Variants in PLPP1 observed in about 807,000 individuals in gnomAD.
PLPP1 encodes lipid phosphate phosphohydrolase 1a.
A neutral mutation model predicts 31.2 loss-of-function variants in PLPP1; 24 were observed. The ratio of observed to expected loss-of-function variants is 0.77; its 90% confidence interval spans 0.56 to 1.08. The LOEUF is 1.08. Among genes scored for constraint, PLPP1 ranks in the 50% least tolerant of loss-of-function variants. The pLI is 0.00. For missense variants in PLPP1, 319 were observed against 342.7 expected, an observed-to-expected ratio of 0.93 and a Z score of 0.55; for synonymous variants, 146 against 126.3, an observed-to-expected ratio of 1.16 and a Z score of -1.05.
intron 1 of PLPP1, among the ~76,000 whole-genome samples, chr5:55,531,279 A>G (rs1016958385): frequency 6.6e-6 from 1 of 152,256 alleles, no homozygotes; most frequent in Non-Finnish European, 1.5e-5. Flanking sequence ...TAAGGAACTA[A>G]TAATTCAAAC....
intron 3 of PLPP1, among the ~76,000 whole-genome samples, chr5:55,443,177 T>TAAA (rs1178247543): frequency 1.4e-3 from 73 of 50,974 alleles, no homozygotes; most frequent in Non-Finnish European, 2.0e-3. Context: ...AAGGATTACT[T>TAAA]AAAAAAAAAA....
At chr5:55,432,151 C>G (rs951685444) in intron 4 of PLPP1, among the ~76,000 whole-genome samples, 2 of 148,788 alleles carry the variant, frequency 1.3e-5, no homozygotes, top group African/African-American at 5.0e-5. Context: ...GCTATGTTGC[C>G]CAGGCTGGTC....
intron 3 of PLPP1, among the ~76,000 whole-genome samples, chr5:55,456,210 G>A (rs1344415951): frequency 6.6e-6 from 1 of 152,126 alleles, no homozygotes; most frequent in Non-Finnish European, 1.5e-5. Context: ...TTAGTTCTAT[G>A]TTTAGGACCT....
chr5:55,516,183 A>G (rs1753551714), intron 1 of PLPP1, among the ~76,000 whole-genome samples: 1 of 151,820 alleles, frequency 6.6e-6, no homozygotes, highest in Non-Finnish European at 1.5e-5. Context: ...CTTCCCAAAT[A>G]CCTCTGAAAT....
At chr5:55,490,975 G>A in intron 1 of PLPP1, 1 of 1,611,598 alleles carries the variant, frequency 6.2e-7, no homozygotes, top group Non-Finnish European at 8.5e-7. Flanking sequence ...AAATGGGCAA[G>A]CCAACCCCCA....
chr5:55,425,916 A>G lies in PLPP1; in HGVS notation c.673T>C (p.Trp225Arg), dbSNP rs1444597037. 2.5e-6 allele frequency: 4 copies of G among 1,613,884 alleles called. No individual in the cohort carries two copies. Among genetic ancestry groups the G allele is most frequent in the Non-Finnish European group, 1.7e-6 (2 of 1,179,956 alleles). ...LSRVSDYKHH[W>R]SDVLTGLIQG... The stretch of plus-strand genomic sequence containing the variant: ...ATGAGTCCAGTCAACACATCGCTCC[A>G]GTGGTGTTTATAATCAGAAACTCGA... Residue 225 changes from tryptophan (W) to arginine (R), a missense_variant, in exon 5 of 6, where the codon TGG becomes CGG. Physicochemically the swap from Trp to Arg is moderately radical, Grantham distance 101. Transcript: ENST00000307259.
intron 1 of PLPP1, 152 bp from the exon 2 acceptor site, chr5:55,475,602 AACG>A: frequency 3.0e-6 from 2 of 672,922 alleles, no homozygotes; most frequent in Non-Finnish European, 4.8e-6. Flanking sequence ...CAATGCATGC[AACG>A]GAAGTTAGAA....
intron 3 of PLPP1, among the ~76,000 whole-genome samples, chr5:55,461,010 C>G (rs555235108): frequency 6.6e-6 from 1 of 152,180 alleles, no homozygotes; most frequent in Non-Finnish European, 1.5e-5. Context: ...CAGGTGAAAC[C>G]CTGTCTCTAC....
At chr5:55,532,453 T>C (rs983221837) in intron 1 of PLPP1, among the ~76,000 whole-genome samples, 1 of 152,238 alleles carries the variant, frequency 6.6e-6, no homozygotes, top group African/African-American at 2.4e-5. Flanking sequence ...ATATTCAATA[T>C]ATTAGAAATA....
chr5:55,464,900 T>C (rs1752252932), intron 3 of PLPP1, among the ~76,000 whole-genome samples: 1 of 152,174 alleles, frequency 6.6e-6, no homozygotes, highest in African/African-American at 2.4e-5. Context: ...ATTTATTCAA[T>C]TGTACACTTA....
In PLPP1 at chr5:55,515,612, C is replaced by T. The variant is rs371436191; in HGVS notation, c.58+18960G>A. On this transcript the variant is annotated intron_variant, in intron 1 of 5. Transcript: ENST00000307259. Reference sequence around the variant, plus strand: ...ATAAATGATCTTTGTGTAACTAAACCCAATGGACACTCTCCAGTCTTTATC... The same window carrying T: ...ATAAATGATCTTTGTGTAACTAAACTCAATGGACACTCTCCAGTCTTTATC... Among the ~76,000 whole-genome samples the T allele has an allele frequency of 1.2e-4, 19 of 152,220 alleles. No individual in the cohort carries two copies. In the East Asian group the frequency reaches 3.5e-3, roughly 28 times the overall value.
intron 4 of PLPP1, among the ~76,000 whole-genome samples, chr5:55,429,114 C>T (rs1579914702): frequency 2.6e-5 from 4 of 152,162 alleles, no homozygotes; most frequent in East Asian, 1.9e-4. Flanking sequence ...AGTATGAAGG[C>T]GTTCTCTAAT....
At chr5:55,427,139 A>G (rs1242229182) in intron 4 of PLPP1, among the ~76,000 whole-genome samples, 1 of 152,144 alleles carries the variant, frequency 6.6e-6, no homozygotes, top group Non-Finnish European at 1.5e-5. Context: ...TAACAATATA[A>G]TTTATAACAT....
At chr5:55,513,911 T>C (rs377306234) in intron 1 of PLPP1, among the ~76,000 whole-genome samples, 2 of 152,058 alleles carry the variant, frequency 1.3e-5, no homozygotes, top group South Asian at 2.1e-4. Context: ...GGGAGACAGA[T>C]GTTGTGTAGG....
At chr5:55,459,006 AAAG>A (rs1311675911) in intron 3 of PLPP1, among the ~76,000 whole-genome samples, 2 of 151,814 alleles carry the variant, frequency 1.3e-5, no homozygotes, top group Non-Finnish European at 2.9e-5. Flanking sequence ...TCTGGATTAA[AAAG>A]AATAAGCAAG....
chr5:55,434,136 A>T (rs1408573217), intron 4 of PLPP1, among the ~76,000 whole-genome samples: 1 of 149,952 alleles, frequency 6.7e-6, no homozygotes, highest in Non-Finnish European at 1.5e-5. Context: ...CTGTCTCAAA[A>T]AAAAAAAAAA....
At chr5:55,428,575 G>GCAAA (rs1751266225) in intron 4 of PLPP1, among the ~76,000 whole-genome samples, 2 of 152,212 alleles carry the variant, frequency 1.3e-5, no homozygotes, top group African/African-American at 4.8e-5. Context: ...TCTGGGCAAA[G>GCAAA]CAAACACTTG....
At chr5:55,440,176 C>G (rs1389425274) in intron 4 of PLPP1, among the ~76,000 whole-genome samples, 3 of 152,196 alleles carry the variant, frequency 2.0e-5, no homozygotes, top group Non-Finnish European at 4.4e-5. Flanking sequence ...TAAAGAGGGA[C>G]TTGGACACTA....
At chr5:55,507,716 AC>A (rs1302766975) in intron 1 of PLPP1, among the ~76,000 whole-genome samples, 1 of 152,172 alleles carries the variant, frequency 6.6e-6, no homozygotes, top group African/African-American at 2.4e-5. Context: ...AGTCAATGAG[AC>A]CGAGAGCCCT....
Sources: allele counts gnomAD v4.1 joint callset (sites outside exome capture counted in the v4.1 genomes callset), GRCh38; gene constraint gnomAD v4.1.1; transcripts MANE v1.5; gene names NCBI Gene and HGNC (gene_info 2026-07-23, HGNC 2026-07-21).